XRN1: variants seen among roughly 807,000 people sequenced by gnomAD.
XRN1 encodes the protein strand-exchange protein 1 homolog.
Under a neutral mutation model 222.3 loss-of-function variants are expected in XRN1, and 67 were observed. That is an observed-to-expected ratio of 0.30 (90% CI 0.25 to 0.37). The LOEUF is 0.37. Among genes scored for constraint, XRN1 ranks in the 10% least tolerant of loss-of-function variants. The pLI, the probability that XRN1 is intolerant of heterozygous loss-of-function variation, is 1.00. For missense variants in XRN1, 1,707 were observed against 2,000.2 expected, an observed-to-expected ratio of 0.85 and a Z score of 2.80; for synonymous variants, 643 against 652.4, an observed-to-expected ratio of 0.99 and a Z score of 0.22.
At chr3:142,338,525 T>G (rs1482819586) in intron 33 of XRN1, among the ~76,000 whole-genome samples, 1 of 152,088 alleles carries the variant, frequency 6.6e-6, no homozygotes, top group African/African-American at 2.4e-5. Context: ...ACCCAGCACA[T>G]GCCCAGCTGT....
intron 33 of XRN1, among the ~76,000 whole-genome samples, chr3:142,339,305 T>C (rs1218141157): frequency 6.6e-6 from 1 of 152,156 alleles, no homozygotes; most frequent in African/African-American, 2.4e-5. Flanking sequence ...TGGAGAATTC[T>C]TTTGAATCTT....
At chr3:142,396,729 T>C (rs2067947794) in intron 20 of XRN1, among the ~76,000 whole-genome samples, 1 of 152,156 alleles carries the variant, frequency 6.6e-6, no homozygotes, top group Non-Finnish European at 1.5e-5. Context: ...TTTAAAACAT[T>C]TCATGTGCCA....
rs188482394 is a variant in XRN1 at position 142,362,221 on chromosome 3, T to C, written c.3395-2290A>G. On this transcript the variant is annotated intron_variant, in intron 29 of 40. Transcript: ENST00000392981. Reference sequence around the variant, plus strand: ...GGCATGATCTCGGCTCACTGCAACCTCTGCCTCCCAGGTTCAAGTGATTCT... The same window carrying C: ...GGCATGATCTCGGCTCACTGCAACCCCTGCCTCCCAGGTTCAAGTGATTCT... Among the ~76,000 whole-genome samples, 536 of 152,250 alleles carry C rather than the reference T, an allele frequency of 3.5e-3. 3 individuals carry two copies. Among genetic ancestry groups the C allele is most frequent in the African/African-American group, 0.012 (514 of 41,548 alleles).
chr3:142,310,127 G>T lies in XRN1; in HGVS notation c.*1384C>A, dbSNP rs115290633. The T allele has an allele frequency of 6.6e-6, 1 of 152,554 alleles. No individual in the cohort carries two copies. The highest frequency in any genetic ancestry group is 1.5e-5 in the Non-Finnish European group (1 of 68,014). The allele number at this position is 152,554 out of a possible 1,614,324, so 9.5% of individuals were successfully genotyped here. ...TTAAACTCTGAAATCAGCAGTTAGTGAAAGGAGTCCATTTAGTTTAATACC... is the reference window on the plus strand; with the variant it reads ...TTAAACTCTGAAATCAGCAGTTAGTTAAAGGAGTCCATTTAGTTTAATACC... On this transcript the variant is annotated 3_prime_UTR_variant, in exon 41 of 41. Transcript: ENST00000392981.
At chr3:142,360,282 A>G (rs1395706146) in intron 29 of XRN1, among the ~76,000 whole-genome samples, 2 of 152,194 alleles carry the variant, frequency 1.3e-5, no homozygotes, top group East Asian at 3.8e-4. Context: ...ACATGATATC[A>G]TAGAGAATAT....
At chr3:142,313,303 A>G in intron 39 of XRN1, 1 of 1,047,102 alleles carries the variant, frequency 9.6e-7, no homozygotes. Context: ...GTTTATTAAA[A>G]ATGTAATGAA....
rs1162485892 is a variant in XRN1, at chr3:142,376,059, TCA to T, written c.2832-117_2832-116del. ...TTTTGCTTTCAATTCTTAGAAAAGC[TCA>T]GTTTTGATTATTCTTCTATATTTTA... On this transcript the variant is annotated intron_variant, in intron 24 of 40. Coordinates refer to ENST00000392981, the MANE Select transcript of XRN1 (RefSeq NM_001282857.2). The T allele has an allele frequency of 3.6e-6, 5 of 1,381,840 alleles. No individual in the cohort carries two copies. The African/African-American group carries it at 4.5e-5, about 12-fold the overall frequency. The allele number at this position is 1,381,840 out of a possible 1,614,324, so 85.6% of individuals were successfully genotyped here.
chr3:142,420,518 T>C (rs1433381839), intron 10 of XRN1: 2 of 157,722 alleles, frequency 1.3e-5, no homozygotes, highest in Non-Finnish European at 2.7e-5. Context: ...ATTACAGGTG[T>C]GTGCCACCAC....
chr3:142,385,972 G>A (rs2107953782), intron 20 of XRN1, among the ~76,000 whole-genome samples: 1 of 150,924 alleles, frequency 6.6e-6, no homozygotes, highest in Admixed American at 6.6e-5. Context: ...TATATAAATA[G>A]CATATAATAT....
At chr3:142,446,017 A>C (rs2070484407) in intron 1 of XRN1, among the ~76,000 whole-genome samples, 1 of 152,226 alleles carries the variant, frequency 6.6e-6, no homozygotes, top group East Asian at 1.9e-4. Context: ...GAGACTATTG[A>C]TAGTTTGCCT....
intron 1 of XRN1, among the ~76,000 whole-genome samples, chr3:142,441,561 T>C (rs2070216293): frequency 6.6e-6 from 1 of 152,214 alleles, no homozygotes; most frequent in South Asian, 2.1e-4. Flanking sequence ...TGTTTATAGG[T>C]AGTGGCTGCA....
chr3:142,410,647 A>C (rs1369619966), intron 15 of XRN1, among the ~76,000 whole-genome samples: 1 of 151,838 alleles, frequency 6.6e-6, no homozygotes, highest in Non-Finnish European at 1.5e-5. Flanking sequence ...GGTGCCCACC[A>C]CCACGCCCTG....
chr3:142,441,935 T>C (rs1367610570), intron 1 of XRN1, among the ~76,000 whole-genome samples: 2 of 152,212 alleles, frequency 1.3e-5, no homozygotes, highest in African/African-American at 4.8e-5. Flanking sequence ...TTCGTATTCA[T>C]ATACATACAA....
chr3:142,397,279 T>C (rs754134510), intron 20 of XRN1, 50 bp downstream of exon 20: 128 of 1,504,498 alleles, frequency 8.5e-5, no homozygotes, highest in Middle Eastern at 7.2e-4. Context: ...AATGAGTACA[T>C]TAAAACGGAT....
rs74777696 is a variant in XRN1, at chr3:142,371,367, T to C, written c.2979-39A>G. ...CAAAAATATTGTCTTAAAATATATA[T>C]GGTTAATTTCGGATAAACTTCCTAC... On this transcript the variant is annotated intron_variant, in intron 25 of 40. Coordinates refer to ENST00000392981, the MANE Select transcript of XRN1 (RefSeq NM_001282857.2). 1,605 of 1,479,610 alleles carry C rather than the reference T, an allele frequency of 1.1e-3. 16 individuals carry two copies. In the African/African-American group the frequency reaches 0.02, roughly 19 times the overall value. The allele number at this position is 1,479,610 out of a possible 1,614,324, so 91.7% of individuals were successfully genotyped here.
At chr3:142,442,397 A>AC (rs930234032) in intron 1 of XRN1, among the ~76,000 whole-genome samples, 119 of 152,286 alleles carry the variant, frequency 7.8e-4, no homozygotes, top group African/African-American at 2.6e-3. Flanking sequence ...TTATAGAAGG[A>AC]CCCCTAGTAT....
At chr3:142,355,619 T>C in intron 31 of XRN1, 123 bp from the exon 32 acceptor site, 1 of 596,814 alleles carries the variant, frequency 1.7e-6, no homozygotes. Context: ...AACCTTTTTT[T>C]TTTGACTTGG....
Position 142,318,710 on chromosome 3 carries a change from A to G in XRN1, c.4519-16T>C. On this transcript the variant is annotated splice_polypyrimidine_tract_variant and intron_variant, in intron 38 of 40. Coordinates refer to ENST00000392981, the MANE Select transcript of XRN1 (RefSeq NM_001282857.2). ...CTAAGGAGCCCTGTGGAAGTATTTAAAAGTTACAAGACAATGCAATACAAG... is the reference window on the plus strand; with the variant it reads ...CTAAGGAGCCCTGTGGAAGTATTTAGAAGTTACAAGACAATGCAATACAAG... 1 of 1,610,432 alleles carries G rather than the reference A, an allele frequency of 6.2e-7. No homozygotes were observed. Among genetic ancestry groups the G allele is most frequent in the Non-Finnish European group, 8.5e-7 (1 of 1,178,040 alleles).
rs183291672 is a variant in XRN1, at chr3:142,447,426, T to C, written c.75+444A>G. 1.7e-3 allele frequency among the ~76,000 whole-genome samples: 259 copies of C among 152,166 alleles called. 1 individual carries two copies. The highest frequency in any genetic ancestry group is 2.6e-3 in the Non-Finnish European group (178 of 67,974). On this transcript the variant is annotated intron_variant, in intron 1 of 40. Coordinates refer to ENST00000392981, the MANE Select transcript of XRN1 (RefSeq NM_001282857.2). The surrounding 1 kb of genome is among the most constrained non-coding windows in gnomAD (Gnocchi z 4.2). ...TCTAGATCAGGGAAAGTAAACAAGG[T>C]GACTGCGTGCGGAAGCGGCTGTTAT... is the stretch of plus-strand genomic sequence containing the variant.
Sources: allele counts gnomAD v4.1 joint callset (sites outside exome capture counted in the v4.1 genomes callset), GRCh38; gene constraint gnomAD v4.1.1; non-coding constraint Gnocchi (gnomAD v3.1); transcripts MANE v1.5; gene names NCBI Gene and HGNC (gene_info 2026-07-23, HGNC 2026-07-21).